ARHGEF38: variants seen among roughly 807,000 people sequenced by gnomAD.
ARHGEF38 encodes the protein Rho guanine nucleotide exchange factor 38.
A neutral mutation model predicts 79.9 loss-of-function variants in ARHGEF38; 79 were observed. The ratio of observed to expected loss-of-function variants is 0.99; its 90% CI spans 0.82 to 1.19. ARHGEF38 has a LOEUF of 1.19. Among genes scored for constraint, ARHGEF38 ranks in the 50% most tolerant of loss-of-function variants. The pLI is 0.00. For synonymous variants in ARHGEF38, 366 were observed against 328.3 expected, an observed-to-expected ratio of 1.11 and a Z score of -1.24; for missense variants, 962 against 907.2, an observed-to-expected ratio of 1.06 and a Z score of -0.78.
intron 2 of ARHGEF38, among the ~76,000 whole-genome samples, chr4:105,599,558 T>C (rs1016477115): frequency 6.6e-6 from 1 of 152,162 alleles, no homozygotes; most frequent in Non-Finnish European, 1.5e-5. Context: ...TTTTTGTGCA[T>C]GTGTAGAATA....
At position 105,629,541 on chromosome 4, in the gene ARHGEF38, A is replaced by C. The variant is rs555145875; in HGVS notation, c.509-1357A>C. Among the ~76,000 whole-genome samples, 8 of 138,414 alleles carry C rather than the reference A, an allele frequency of 5.8e-5. No individual in the cohort carries two copies. The East Asian group carries it at 1.6e-3, about 28-fold the overall frequency. 90.8% of individuals were successfully genotyped at this position (138,414 alleles called of 152,430 possible). A position where few individuals can be genotyped will look rare whatever the true frequency, so the allele number is the denominator to read the frequency against. On this transcript the variant is annotated intron_variant, in intron 3 of 13. Transcript: ENST00000420470. ...GATTAATAGGTCCAGATCACTGTCA[A>C]TCTATTCAGCCATCCCAATTAATTC... is the stretch of plus-strand genomic sequence containing the variant.
Position 105,655,624 on chromosome 4 carries a change from CAG to C in ARHGEF38, c.1138_1139del (p.Ser380CysfsTer14). On this transcript the variant is annotated frameshift_variant, in exon 9 of 14. Coordinates refer to ENST00000420470, the MANE Select transcript of ARHGEF38 (RefSeq NM_001242729.2). LOFTEE classifies it high-confidence loss of function. Reference protein sequence around the residue: ...HIQDAMPLALQSVMDLQEISY... With the variant: ...HIQDAMPLALXSVMDLQEISY... ...TCAGGATGCCATGCCCCTGGCTCTG[CAG>C]AGTGTGATGGACCTTCAGGAGATTT... is the stretch of plus-strand genomic sequence containing the variant. 1 of 1,535,742 alleles carries C rather than the reference CAG, an allele frequency of 6.5e-7. No individual in the cohort carries two copies. The highest frequency in any genetic ancestry group is 8.7e-7 in the Non-Finnish European group (1 of 1,146,590).
intron 3 of ARHGEF38, 95 bp downstream of exon 3, chr4:105,613,602 G>T: frequency 1.4e-6 from 2 of 1,379,742 alleles, no homozygotes; most frequent in East Asian, 2.4e-5. Context: ...GACTCACCAT[G>T]CTTCCCAGGA....
At position 105,552,824 on chromosome 4, in the gene ARHGEF38, C is replaced by T. The variant is rs147662568; in HGVS notation, c.59C>T (p.Ala20Val). 46 of 1,612,844 alleles carry T rather than the reference C, an allele frequency of 2.9e-5. No homozygotes were observed. The highest frequency in any genetic ancestry group is 4.2e-6 in the Non-Finnish European group (5 of 1,179,580). The change falls in exon 1 of 14, where the codon GCC (alanine) becomes GTC (valine). Residue 20 changes from alanine (A) to valine (V), a missense_variant. Ala to Val is a moderately conservative substitution (Grantham distance 64). Coordinates refer to ENST00000420470, the MANE Select transcript of ARHGEF38 (RefSeq NM_001242729.2). ...ATGGTCACCAAGAAAAAGAATCTGG[C>T]CTTCTTGAGGTCTAGACTCTATATG... Reference protein sequence around the residue: ...ENMVTKKKNLAFLRSRLYMLE... With the variant: ...ENMVTKKKNLVFLRSRLYMLE...
rs1034092219 is a variant in ARHGEF38 at position 105,604,658 on chromosome 4, A to T, written c.385-8726A>T. On this transcript the variant is annotated intron_variant, in intron 2 of 13. Transcript: ENST00000420470. ...GTAATTTCTTTCAGATATTGGGCCT[A>T]AAGGATATGGATGCTTGTTGAAAAA... 1.4e-4 allele frequency among the ~76,000 whole-genome samples: 22 copies of T among 152,268 alleles called. No homozygotes were observed. The East Asian group carries it at 4.1e-3, about 28-fold the overall frequency.
At chr4:105,648,219 C>A (rs1045946348) in intron 6 of ARHGEF38, among the ~76,000 whole-genome samples, 2 of 152,000 alleles carry the variant, frequency 1.3e-5, no homozygotes, top group Admixed American at 1.3e-4. Context: ...GATCTTGATT[C>A]CCCATTCCAG....
intron 1 of ARHGEF38, among the ~76,000 whole-genome samples, chr4:105,558,540 G>A (rs1402507576): frequency 6.6e-6 from 1 of 152,146 alleles, no homozygotes; most frequent in African/African-American, 2.4e-5. Context: ...TTTCTAAAAG[G>A]CAAGACGCTT....
At chr4:105,598,376 CAG>C (rs1727674648) in intron 2 of ARHGEF38, among the ~76,000 whole-genome samples, 1 of 152,118 alleles carries the variant, frequency 6.6e-6, no homozygotes, top group South Asian at 2.1e-4. Flanking sequence ...CAGAGAAAAA[CAG>C]GGATTTTGTT....
chr4:105,613,526 C>A lies in ARHGEF38; in HGVS notation c.508+19C>A. ...GTAATTGGTATGTTTATTCTCTTCT[C>A]GAGTTCTACAATACAACAGGAAATA... is the stretch of plus-strand genomic sequence containing the variant. On this transcript the variant is annotated intron_variant, in intron 3 of 13. Transcript: ENST00000420470. The A allele has an allele frequency of 8.7e-6, 14 of 1,610,452 alleles. No homozygotes were observed. Among genetic ancestry groups the A allele is most frequent in the Non-Finnish European group, 1.2e-5 (14 of 1,177,984 alleles).
chr4:105,643,811 A>C (rs1729719000), intron 5 of ARHGEF38, among the ~76,000 whole-genome samples: 1 of 150,574 alleles, frequency 6.6e-6, no homozygotes. Context: ...GTGATAATAC[A>C]TTCTTTTGTT....
chr4:105,611,573 T>A (rs902501831), intron 2 of ARHGEF38, among the ~76,000 whole-genome samples: 8 of 151,968 alleles, frequency 5.3e-5, no homozygotes, highest in Non-Finnish European at 1.0e-4. Context: ...TATTAAATAA[T>A]AACAAAAATC....
intron 1 of ARHGEF38, among the ~76,000 whole-genome samples, chr4:105,567,521 A>G (rs567407251): frequency 5.1e-4 from 77 of 152,344 alleles, no homozygotes; most frequent in Middle Eastern, 3.4e-3. Flanking sequence ...GCTGTTGAAC[A>G]CAATTAAGTC....
intron 13 of ARHGEF38, among the ~76,000 whole-genome samples, chr4:105,675,271 G>T (rs1038231677): frequency 6.6e-6 from 1 of 152,116 alleles, no homozygotes; most frequent in East Asian, 1.9e-4. Flanking sequence ...GCACCAATTA[G>T]CTCTATAATT....
chr4:105,647,487 A>T (rs1729898781), intron 6 of ARHGEF38, among the ~76,000 whole-genome samples: 1 of 152,198 alleles, frequency 6.6e-6, no homozygotes, highest in Non-Finnish European at 1.5e-5. Flanking sequence ...AAATATATAG[A>T]TGTTCCTAAT....
At chr4:105,647,888 A>AT (rs769532644) in intron 6 of ARHGEF38, among the ~76,000 whole-genome samples, 11,538 of 119,532 alleles carry the variant, frequency 0.097, 687 homozygotes, top group African/African-American at 0.14. Context: ...TTTCTTTTCT[A>AT]TTTTTTTTTT....
intron 3 of ARHGEF38, among the ~76,000 whole-genome samples, chr4:105,617,877 T>C (rs772053544): frequency 6.6e-6 from 1 of 152,178 alleles, no homozygotes; most frequent in Non-Finnish European, 1.5e-5. Flanking sequence ...ATCTGACTTA[T>C]GAAGAGAAGC....
At chr4:105,591,850 G>A (rs1727355108) in intron 2 of ARHGEF38, among the ~76,000 whole-genome samples, 1 of 152,162 alleles carries the variant, frequency 6.6e-6, no homozygotes, top group African/African-American at 2.4e-5. Context: ...AAGAGTAGAA[G>A]TAATATTGAT....
chr4:105,594,447 C>A (rs1341946693), intron 2 of ARHGEF38, among the ~76,000 whole-genome samples: 4 of 152,150 alleles, frequency 2.6e-5, no homozygotes, highest in Non-Finnish European at 5.9e-5. Context: ...CTTAGCTAAA[C>A]CTGGGGCAAC....
intron 1 of ARHGEF38, among the ~76,000 whole-genome samples, chr4:105,576,566 C>A (rs1726512756): frequency 6.6e-6 from 1 of 151,978 alleles, no homozygotes; most frequent in South Asian, 2.1e-4. Context: ...ATCTAAGAGT[C>A]TTTTGAAGGA....
Sources: gnomAD v4.1 joint callset for allele counts (sites outside exome capture counted in the v4.1 genomes callset) on GRCh38, gnomAD v4.1.1 for gene constraint, MANE v1.5 for transcripts, NCBI Gene and HGNC (gene_info 2026-07-23, HGNC 2026-07-21) for gene names.